The following IGSF3 variants were observed in gnomAD, a reference collection of about 807,000 sequenced individuals.
IGSF3 encodes the protein immunoglobulin superfamily member 3, also known as glu-Trp-Ile EWI motif-containing protein 3.
IGSF3 carries 23 observed loss-of-function variants against 114.4 expected under a neutral mutation model. That is an observed-to-expected ratio of 0.20 (90% CI 0.14 to 0.28). The LOEUF (loss-of-function observed/expected upper bound fraction) is 0.28. Ranked by LOEUF, IGSF3 falls within the 10% of genes least tolerant of loss-of-function variation. The pLI is 1.00. For missense variants in IGSF3, 1,172 were observed against 1,591.5 expected (o/e 0.74, Z 4.48); for synonymous variants, 571 against 645.2 (o/e 0.88, Z 1.74).
At chr1:116,621,255 G>C (rs897674976) in intron 2 of IGSF3, among the ~76,000 whole-genome samples, 1 of 152,100 alleles carries the variant, frequency 6.6e-6, no homozygotes, top group African/African-American at 2.4e-5. Context: ...TATGCTCCCT[G>C]AACAGCCTGT....
intron 2 of IGSF3, among the ~76,000 whole-genome samples, chr1:116,623,438 C>A (rs1358953818): frequency 1.3e-5 from 2 of 152,150 alleles, no homozygotes; most frequent in Non-Finnish European, 2.9e-5. Flanking sequence ...GTAATCCCAG[C>A]ACTTTGGGAG....
chr1:116,609,010 T>G (rs1420816647), intron 4 of IGSF3, among the ~76,000 whole-genome samples: 1 of 151,982 alleles, frequency 6.6e-6, no homozygotes, highest in Non-Finnish European at 1.5e-5. Context: ...GTAGGTACTT[T>G]CCCAGTGAAG....
At chr1:116,602,676 C>A (rs909826699) in intron 6 of IGSF3, among the ~76,000 whole-genome samples, 11 of 152,200 alleles carry the variant, frequency 7.2e-5, no homozygotes. Context: ...GCACCACCAT[C>A]CCAACCTGCA....
chr1:116,613,705 A>C, intron 4 of IGSF3, 60 bp downstream of exon 4: 1 of 1,499,866 alleles, frequency 6.7e-7, no homozygotes, highest in Non-Finnish European at 9.2e-7. Context: ...ACATTCTCCC[A>C]GTATCTGACA....
Position 116,603,599 on chromosome 1 carries a change from A to T in IGSF3, c.1624+25T>A, listed in dbSNP as rs1383479770. The T allele has an allele frequency of 6.2e-7, 1 of 1,603,694 alleles. No individual in the cohort carries two copies. Among genetic ancestry groups the T allele is most frequent in the Admixed American group, 1.7e-5 (1 of 59,736 alleles). On this transcript the variant is annotated intron_variant, in intron 6 of 10. Transcript: ENST00000369486. This position sits in a 1 kb window ranked among gnomAD's most constrained non-coding sequence, Gnocchi z 7.1. The stretch of plus-strand genomic sequence containing the variant: ...CTGAAGCTGTCTCCATGCCAGACCC[A>T]CTGCCAGTCCCACCGCTCACTCACC...
chr1:116,620,439 C>T (rs565567695), intron 2 of IGSF3, among the ~76,000 whole-genome samples: 5 of 152,256 alleles, frequency 3.3e-5, no homozygotes, highest in South Asian at 4.2e-4. Context: ...GTGCTGGAAG[C>T]GGCGTGCACC....
rs928222704 is a variant in IGSF3, at chr1:116,634,368, A to G, written c.44-17911T>C. ...TAAAAAACAAGAGCCACGTGTTCCC[A>G]TGGTCCTGGCCAACCCCACTTCTTT... is the stretch of plus-strand genomic sequence containing the variant. On this transcript the variant is annotated intron_variant, in intron 2 of 10. Transcript: ENST00000369486. The surrounding 1 kb of genome is among the most constrained non-coding windows in gnomAD (Gnocchi z 4.2). 1.3e-5 allele frequency among the ~76,000 whole-genome samples: 2 copies of G among 152,216 alleles called. No homozygotes were observed. The highest frequency in any genetic ancestry group is 4.8e-5 in the African/African-American group (2 of 41,456).
chr1:116,586,465 T>C (rs996266363), intron 8 of IGSF3, among the ~76,000 whole-genome samples: 4 of 151,996 alleles, frequency 2.6e-5, no homozygotes, highest in African/African-American at 9.7e-5. Flanking sequence ...AGGAAAGAAC[T>C]AGAAGCAGAG....
rs746717499 is a variant in IGSF3 at position 116,579,359 on chromosome 1, G to C, written c.3334+33C>G. On this transcript the variant is annotated intron_variant, in intron 10 of 10. Transcript: ENST00000369486. The surrounding 1 kb of genome is among the most constrained non-coding windows in gnomAD (Gnocchi z 6.4). ...CTTCCAGACACAGTTGGAACCAACAGTGACATCCTCCCTCTGTACTTGGGA... is the reference window on the plus strand; with the variant it reads ...CTTCCAGACACAGTTGGAACCAACACTGACATCCTCCCTCTGTACTTGGGA... The C allele has an allele frequency of 3.3e-6, 5 of 1,521,850 alleles. No homozygotes were observed. In the South Asian group the frequency reaches 6.6e-5, roughly 20 times the overall value. 94.3% of individuals were successfully genotyped at this position (1,521,850 alleles called of 1,614,324 possible). A position where few individuals can be genotyped will look rare whatever the true frequency, so the allele number is the denominator to read the frequency against.
rs1488204605 is a variant in IGSF3 at position 116,588,685 on chromosome 1, C to T, written c.2440+9G>A. On this transcript the variant is annotated intron_variant, in intron 8 of 10. Transcript: ENST00000369486. The surrounding 1 kb of genome is among the most constrained non-coding windows in gnomAD (Gnocchi z 4.9). ...ACTGGCCCAGGACAGCCGTGCCCTG[C>T]GGCCTTACCTGGCTGTTTCACAGTG... The T allele has an allele frequency of 7.7e-6, 12 of 1,558,526 alleles. No homozygotes were observed. The highest frequency in any genetic ancestry group is 3.6e-5 in the Admixed American group (2 of 56,224).
intron 2 of IGSF3, among the ~76,000 whole-genome samples, chr1:116,620,928 A>C (rs1286955364): frequency 6.6e-6 from 1 of 152,100 alleles, no homozygotes; most frequent in East Asian, 1.9e-4. Flanking sequence ...TCTTATAGAG[A>C]CGGGATGATA....
intron 2 of IGSF3, among the ~76,000 whole-genome samples, chr1:116,659,622 C>G (rs1355251135): frequency 5.9e-5 from 9 of 151,816 alleles, no homozygotes; most frequent in Middle Eastern, 3.4e-3. Context: ...GACGGGGTCT[C>G]GCTCTTTTTG....
Position 116,662,604 on chromosome 1 carries a change from G to T in IGSF3, c.43+3680C>A, listed in dbSNP as rs942752437. On this transcript the variant is annotated intron_variant, in intron 2 of 10. Coordinates refer to ENST00000369486, the MANE Select transcript of IGSF3 (RefSeq NM_001007237.3). The surrounding 1 kb of genome is among the most constrained non-coding windows in gnomAD (Gnocchi z 4.3). ...TTAACACAGCCCTGGGTACCTGGAG[G>T]TAGCTCAATGATTCTCACAGCTGAA... Among the ~76,000 whole-genome samples the T allele has an allele frequency of 1.3e-5, 2 of 152,166 alleles. No individual in the cohort carries two copies. Among genetic ancestry groups the T allele is most frequent in the African/African-American group, 2.4e-5 (1 of 41,430 alleles).
chr1:116,583,987 G>A lies in IGSF3; in HGVS notation c.2848+658C>T, dbSNP rs1362479028. On this transcript the variant is annotated intron_variant, in intron 9 of 10. Transcript: ENST00000369486. The surrounding 1 kb of genome is among the most constrained non-coding windows in gnomAD (Gnocchi z 4.5). The stretch of plus-strand genomic sequence containing the variant: ...GTGGGGGTCACGAGGTCAGGAGATC[G>A]AGACCAGCTTGGCCAACATGATGAA... Among the ~76,000 whole-genome samples the A allele has an allele frequency of 1.3e-5, 2 of 152,110 alleles. No individual in the cohort carries two copies. The highest frequency in any genetic ancestry group is 4.1e-4 in the South Asian group (2 of 4,828).
In IGSF3 at chr1:116,662,816, T is replaced by C. The variant is rs892734218; in HGVS notation, c.43+3468A>G. Among the ~76,000 whole-genome samples, 4 of 152,124 alleles carry C rather than the reference T, an allele frequency of 2.6e-5. No individual in the cohort carries two copies. Among genetic ancestry groups the C allele is most frequent in the Non-Finnish European group, 5.9e-5 (4 of 68,020 alleles). On this transcript the variant is annotated intron_variant, in intron 2 of 10. Coordinates refer to ENST00000369486, the MANE Select transcript of IGSF3 (RefSeq NM_001007237.3). This position sits in a 1 kb window ranked among gnomAD's most constrained non-coding sequence, Gnocchi z 4.3. ...CCCTTCTCCTGATTGCTCCAAACCA[T>C]CTCACTTTTCTCTGCCTCCTCTTTC...
At position 116,642,763 on chromosome 1, in the gene IGSF3, A is replaced by G. The variant is rs1648168035; in HGVS notation, c.43+23521T>C. Among the ~76,000 whole-genome samples, 1 of 152,220 alleles carries G rather than the reference A, an allele frequency of 6.6e-6. No individual in the cohort carries two copies. Among genetic ancestry groups the G allele is most frequent in the South Asian group, 2.1e-4 (1 of 4,826 alleles). Reference sequence around the variant, plus strand: ...TCCTGGGATGCGCTGTAGTATCATCAATCACCGCTGCTGCTCGCTGGGACT... The same window carrying G: ...TCCTGGGATGCGCTGTAGTATCATCGATCACCGCTGCTGCTCGCTGGGACT... On this transcript the variant is annotated intron_variant, in intron 2 of 10. Transcript: ENST00000369486. This position sits in a 1 kb window ranked among gnomAD's most constrained non-coding sequence, Gnocchi z 5.4.
Position 116,624,903 on chromosome 1 carries a change from T to G in IGSF3, c.44-8446A>C, listed in dbSNP as rs2101030777. 1.3e-5 allele frequency among the ~76,000 whole-genome samples: 2 copies of G among 152,268 alleles called. No individual in the cohort carries two copies. On this transcript the variant is annotated intron_variant, in intron 2 of 10. Transcript: ENST00000369486. This position sits in a 1 kb window ranked among gnomAD's most constrained non-coding sequence, Gnocchi z 4.9. ...CCAGCCAGGTCCACCTGCCACAATG[T>G]GAGTGAATGAGCCAATCAGCACCCA...
intron 2 of IGSF3, chr1:116,617,470 G>C (rs1337039706): frequency 2.4e-6 from 1 of 422,666 alleles, no homozygotes; most frequent in Non-Finnish European, 3.2e-6. Context: ...CCACCAATTA[G>C]AGCTGGTTGT....
intron 2 of IGSF3, among the ~76,000 whole-genome samples, chr1:116,630,242 C>T (rs908304178): frequency 5.3e-5 from 8 of 152,310 alleles, no homozygotes; most frequent in South Asian, 2.1e-4. Flanking sequence ...TCTCCAGGCA[C>T]GCCCTCCTAA....
Sources: gnomAD v4.1 joint callset for allele counts (sites outside exome capture counted in the v4.1 genomes callset) on GRCh38, gnomAD v4.1.1 for gene constraint, Gnocchi (gnomAD v3.1) non-coding constraint, MANE v1.5 for transcripts, NCBI Gene and HGNC (gene_info 2026-07-23, HGNC 2026-07-21) for gene names.